WASF2: variants seen among roughly 807,000 people sequenced by gnomAD.
WASF2 encodes the protein WASP family member 2, also known as actin-binding protein WASF2.
A neutral mutation model predicts 45.0 loss-of-function variants in WASF2; 14 were observed. The ratio of observed to expected loss-of-function variants is 0.31; its 90% CI spans 0.21 to 0.49. The LOEUF (loss-of-function observed/expected upper bound fraction) is 0.49, where lower values mean the gene tolerates loss of function less well. WASF2 is among the 20% of genes least tolerant of loss of function. WASF2 has a pLI of 0.99. For synonymous variants in WASF2, 200 were observed against 236.3 expected (o/e 0.85, Z 1.41); for missense variants, 439 against 636.1 (o/e 0.69, Z 3.33).
chr1:27,450,449 C>T (rs2017369336), intron 1 of WASF2, among the ~76,000 whole-genome samples: 1 of 152,080 alleles, frequency 6.6e-6, no homozygotes, highest in Non-Finnish European at 1.5e-5. Flanking sequence ...TACTTTTGTC[C>T]CACCCATCTA....
intron 2 of WASF2, among the ~76,000 whole-genome samples, chr1:27,424,740 C>G (rs1463338646): frequency 2.6e-5 from 4 of 152,166 alleles, no homozygotes; most frequent in Admixed American, 1.3e-4. Flanking sequence ...CAAGCTGTCT[C>G]AAATTCCAGG....
At chr1:27,467,805 G>C (rs1185660458) in intron 1 of WASF2, among the ~76,000 whole-genome samples, 2 of 151,804 alleles carry the variant, frequency 1.3e-5, no homozygotes, top group Admixed American at 6.5e-5. Flanking sequence ...CCAGCTACTG[G>C]GGAGGCTGAG....
chr1:27,432,552 G>A (rs2017080057), intron 1 of WASF2, among the ~76,000 whole-genome samples: 1 of 149,662 alleles, frequency 6.7e-6, no homozygotes, highest in African/African-American at 2.5e-5. Flanking sequence ...GGAGGCTGAG[G>A]CAGGAGAATG....
chr1:27,411,667 T>C (rs2016761936), intron 7 of WASF2, among the ~76,000 whole-genome samples: 1 of 152,044 alleles, frequency 6.6e-6, no homozygotes, highest in African/African-American at 2.4e-5. Context: ...ATCGAGACCA[T>C]CCTGGCTAAC....
intron 1 of WASF2, among the ~76,000 whole-genome samples, chr1:27,439,461 T>C (rs528578648): frequency 6.6e-6 from 1 of 152,318 alleles, no homozygotes; most frequent in South Asian, 2.1e-4. Flanking sequence ...GTCGTATTAA[T>C]GGTTAACTAC....
intron 1 of WASF2, among the ~76,000 whole-genome samples, chr1:27,442,697 A>G (rs965713993): frequency 5.9e-5 from 9 of 151,676 alleles, no homozygotes; most frequent in Non-Finnish European, 2.9e-5. Context: ...CATTTCTATG[A>G]AAAACACAAA....
chr1:27,485,448 A>C (rs1377980286), intron 1 of WASF2, among the ~76,000 whole-genome samples: 1 of 152,114 alleles, frequency 6.6e-6, no homozygotes, highest in Non-Finnish European at 1.5e-5. Context: ...AGAAAATAAA[A>C]GAAATAAAAT....
chr1:27,470,527 G>A (rs1368315031), intron 1 of WASF2, among the ~76,000 whole-genome samples: 3 of 152,150 alleles, frequency 2.0e-5, no homozygotes, highest in African/African-American at 7.2e-5. Flanking sequence ...GATGAACTGG[G>A]AGAATGGTGG....
chr1:27,464,312 T>A (rs1022881929), intron 1 of WASF2, among the ~76,000 whole-genome samples: 2 of 151,268 alleles, frequency 1.3e-5, no homozygotes, highest in African/African-American at 2.4e-5. Flanking sequence ...ACCCAGGAGG[T>A]AGAGGTTAGG....
chr1:27,416,143 T>G (rs2016823742), intron 4 of WASF2, 41 bp from the exon 5 acceptor site: 2 of 1,551,840 alleles, frequency 1.3e-6, no homozygotes, highest in Middle Eastern at 1.7e-4. Context: ...AGTAGACAGA[T>G]GAGCTCCCAA....
At chr1:27,454,135 A>ATG (rs376322285) in intron 1 of WASF2, among the ~76,000 whole-genome samples, 7 of 37,962 alleles carry the variant, frequency 1.8e-4, no homozygotes, top group East Asian at 8.5e-4. Context: ...GTATATATAT[A>ATG]TGTGTGTGTG....
At chr1:27,473,493 C>T (rs1002778739) in intron 1 of WASF2, among the ~76,000 whole-genome samples, 2 of 146,194 alleles carry the variant, frequency 1.4e-5, no homozygotes, top group African/African-American at 2.5e-5. Context: ...AAAAAAGTTA[C>T]ATTGTTAATC....
intron 1 of WASF2, among the ~76,000 whole-genome samples, chr1:27,446,901 C>T (rs1204975906): frequency 6.6e-6 from 1 of 152,034 alleles, no homozygotes; most frequent in Non-Finnish European, 1.5e-5. Context: ...GAGCATTCTT[C>T]TTGCTCTCTG....
In WASF2 at chr1:27,414,571, G is replaced by A. The variant is rs1011148406; in HGVS notation, c.668+262C>T. Among the ~76,000 whole-genome samples, 2 of 152,068 alleles carry A rather than the reference G, an allele frequency of 1.3e-5. No homozygotes were observed. Among genetic ancestry groups the A allele is most frequent in the African/African-American group, 4.8e-5 (2 of 41,378 alleles). On this transcript the variant is annotated intron_variant, in intron 6 of 8. Coordinates refer to ENST00000618852, the MANE Select transcript of WASF2 (RefSeq NM_006990.5). This position sits in a 1 kb window ranked among gnomAD's most constrained non-coding sequence, Gnocchi z 4.1. ...TCTGGGGCCCTTAGATGTGTATCTC[G>A]CAGAGTAAGGGCACTAGGAGCCATG...
At chr1:27,428,999 ATCT>A (rs764053352) in intron 1 of WASF2, 66 bp from the exon 2 acceptor site, 14 of 1,197,926 alleles carry the variant, frequency 1.2e-5, no homozygotes, top group East Asian at 5.6e-5. Flanking sequence ...GGCTGTGTGA[ATCT>A]TTTTTTTTTT....
chr1:27,460,863 G>A (rs1395568925), intron 1 of WASF2, among the ~76,000 whole-genome samples: 2 of 152,176 alleles, frequency 1.3e-5, no homozygotes, highest in Non-Finnish European at 2.9e-5. Flanking sequence ...TTTTGGCCAG[G>A]CGCAGTGGCT....
rs371661992 is a variant in WASF2 at position 27,489,543 on chromosome 1, AGAGATGGAAACT to A, written c.-44+431_-44+442del. ...GAGCACCTCAATTACTTCATGGTCC[AGAGATGGAAACT>A]GAGGCTCAGCCTGGGGAAGAACTTG... On this transcript the variant is annotated intron_variant, in intron 1 of 8. Coordinates refer to ENST00000618852, the MANE Select transcript of WASF2 (RefSeq NM_006990.5). Among the ~76,000 whole-genome samples, 9 of 152,100 alleles carry A rather than the reference AGAGATGGAAACT, an allele frequency of 5.9e-5. No individual in the cohort carries two copies. In the East Asian group the frequency reaches 1.5e-3, roughly 26 times the overall value.
rs757709251 is a variant in WASF2, at chr1:27,405,481, A to T, written c.*2708T>A. On this transcript the variant is annotated 3_prime_UTR_variant, in exon 9 of 9. Coordinates refer to ENST00000618852, the MANE Select transcript of WASF2 (RefSeq NM_006990.5). ...TGGGCCATTGTTCCATACTCTCACT[A>T]GCTTAGGCCCAGATTAAATAATCAC... 6.6e-6 allele frequency: 1 copy of T among 152,094 alleles called. No homozygotes were observed. Among genetic ancestry groups the T allele is most frequent in the Non-Finnish European group, 1.5e-5 (1 of 68,038 alleles). 9.4% of individuals were successfully genotyped at this position (152,094 alleles called of 1,614,324 possible).
At chr1:27,486,880 C>T (rs746585742) in intron 1 of WASF2, among the ~76,000 whole-genome samples, 2 of 151,046 alleles carry the variant, frequency 1.3e-5, no homozygotes, top group South Asian at 2.1e-4. Flanking sequence ...GCCGAGATCA[C>T]GCCACTGCCC....
Sources: gnomAD v4.1 joint callset for allele counts (sites outside exome capture counted in the v4.1 genomes callset) on GRCh38, gnomAD v4.1.1 for gene constraint, Gnocchi (gnomAD v3.1) non-coding constraint, MANE v1.5 for transcripts, NCBI Gene and HGNC (gene_info 2026-07-23, HGNC 2026-07-21) for gene names.